Variants in TAFA2 observed in about 807,000 individuals in gnomAD.
TAFA2 encodes TAFA chemokine like family member 2.
In TAFA2, 7 loss-of-function variants were observed where a neutral mutation model predicts 18.8. The ratio of observed to expected loss-of-function variants is 0.37; its 90% confidence interval spans 0.21 to 0.70. TAFA2 has a LOEUF of 0.70. Among genes scored for constraint, TAFA2 ranks in the 30% least tolerant of loss-of-function variants. TAFA2 has a pLI of 0.53. For missense variants in TAFA2, 122 were observed against 158.1 expected (o/e 0.77, Z 1.23); for synonymous variants, 60 against 54.2 (o/e 1.11, Z -0.47).
At chr12:61,785,319 TTGTGTG>T (rs57166010) in intron 2 of TAFA2, among the ~76,000 whole-genome samples, 36,843 of 140,116 alleles carry the variant, frequency 0.26, 4,899 homozygotes, top group Middle Eastern at 0.33. Flanking sequence ...AATAGTATTC[TTGTGTG>T]TGTGTGTGTG....
At position 61,872,009 on chromosome 12, in the gene TAFA2, A is replaced by G. The variant is rs141447127; in HGVS notation, c.-1-4583T>C. On this transcript the variant is annotated intron_variant, in intron 1 of 4. Transcript: ENST00000416284. ...CGGGAGGCTGAGGCAGGAGAATGGCACGAACCCGGGAGGTAGAGCTTGCAG... is the reference window on the plus strand; with the variant it reads ...CGGGAGGCTGAGGCAGGAGAATGGCGCGAACCCGGGAGGTAGAGCTTGCAG... Among the ~76,000 whole-genome samples the G allele has an allele frequency of 9.6e-3, 1,462 of 152,220 alleles. 12 individuals are homozygous for G. Among genetic ancestry groups the G allele is most frequent in the Non-Finnish European group, 0.014 (957 of 68,010 alleles).
Position 61,710,204 on chromosome 12 carries a change from A to G in TAFA2, c.*202T>C, listed in dbSNP as rs74095409. The G allele has an allele frequency of 0.011, 5,775 of 549,246 alleles. 265 individuals carry two copies. The highest frequency in any genetic ancestry group is 0.099 in the African/African-American group (5,201 of 52,300). 34.0% of individuals were successfully genotyped at this position (549,246 alleles called of 1,614,324 possible). ...GTTGAACACAGTTCAAATCTGCTGA[A>G]ATCTTCATGACATGCAAGTTCATGT... On this transcript the variant is annotated 3_prime_UTR_variant, in exon 5 of 5. Coordinates refer to ENST00000416284, the MANE Select transcript of TAFA2 (RefSeq NM_178539.5).
At chr12:62,259,107 A>G (rs561055432), upstream of TAFA2, 2 of 152,800 alleles carry the variant, frequency 1.3e-5, no homozygotes, top group East Asian at 3.9e-4. Context: ...GCATAACTAC[A>G]CCTACCTTTA....
intron 2 of TAFA2, among the ~76,000 whole-genome samples, chr12:61,768,841 G>A (rs1869902729): frequency 6.6e-6 from 1 of 151,974 alleles, no homozygotes; most frequent in Non-Finnish European, 1.5e-5. Context: ...CTGGGGGAGG[G>A]GACAAATGGG....
chr12:62,065,101 C>A (rs968525105), intron 1 of TAFA2, among the ~76,000 whole-genome samples: 21 of 152,010 alleles, frequency 1.4e-4, no homozygotes, highest in African/African-American at 5.1e-4. Context: ...AATCACACAG[C>A]CTTGTTTTTC....
chr12:61,971,664 A>T (rs1445268254), intron 1 of TAFA2, among the ~76,000 whole-genome samples: 2 of 151,748 alleles, frequency 1.3e-5, no homozygotes, highest in African/African-American at 4.8e-5. Context: ...CATAAGTGGG[A>T]GTTGAACAAT....
Position 61,852,006 on chromosome 12 carries a change from G to A in TAFA2, c.106+15314C>T, listed in dbSNP as rs553189784. The stretch of plus-strand genomic sequence containing the variant: ...GCAGAGCACCTGAGGTCAGGAGTTC[G>A]AGACCAGCCTGACCAACATGGAGAA... On this transcript the variant is annotated intron_variant, in intron 2 of 4. Coordinates refer to ENST00000416284, the MANE Select transcript of TAFA2 (RefSeq NM_178539.5). Among the ~76,000 whole-genome samples the A allele has an allele frequency of 5.3e-5, 8 of 151,576 alleles. No homozygotes were observed. The South Asian group carries it at 1.5e-3, about 28-fold the overall frequency.
chr12:61,872,366 G>A (rs187760157), intron 1 of TAFA2, among the ~76,000 whole-genome samples: 51 of 152,092 alleles, frequency 3.4e-4, no homozygotes, highest in African/African-American at 1.2e-3. Context: ...GACAAACTTG[G>A]TGTTAACTAG....
chr12:62,111,977 G>A (rs1869753894), intron 1 of TAFA2, among the ~76,000 whole-genome samples: 2 of 152,094 alleles, frequency 1.3e-5, no homozygotes, highest in Non-Finnish European at 2.9e-5. Context: ...AGGGCATTTG[G>A]CTCATTTACA....
At chr12:62,232,131 T>C (rs1264025319) in intron 1 of TAFA2, among the ~76,000 whole-genome samples, 1 of 152,216 alleles carries the variant, frequency 6.6e-6, no homozygotes, top group Non-Finnish European at 1.5e-5. Flanking sequence ...GGAAAATTAA[T>C]GAAGTTCATC....
intron 1 of TAFA2, among the ~76,000 whole-genome samples, chr12:62,077,207 C>T (rs1348483135): frequency 6.6e-6 from 1 of 152,118 alleles, no homozygotes; most frequent in African/African-American, 2.4e-5. Context: ...AGTGTAGAGA[C>T]ACTTCTTTCA....
chr12:62,247,904 TAGAA>T (rs1470558056), intron 1 of TAFA2, among the ~76,000 whole-genome samples: 2 of 150,140 alleles, frequency 1.3e-5, no homozygotes, highest in African/African-American at 2.4e-5. Context: ...AATGAAAAAT[TAGAA>T]AGACTGTTTC....
intron 1 of TAFA2, among the ~76,000 whole-genome samples, chr12:62,162,198 G>C (rs1245093623): frequency 6.6e-6 from 1 of 152,188 alleles, no homozygotes; most frequent in African/African-American, 2.4e-5. Context: ...CAGTTTCTGT[G>C]GGAAGATAGG....
At chr12:62,234,006 C>T (rs1489566530) in intron 1 of TAFA2, among the ~76,000 whole-genome samples, 2 of 152,192 alleles carry the variant, frequency 1.3e-5, no homozygotes, top group Non-Finnish European at 2.9e-5. Flanking sequence ...GCACTGGGCA[C>T]ATTCAGAAAT....
intron 3 of TAFA2, 112 bp from the exon 4 acceptor site, chr12:61,753,858 G>T: frequency 2.7e-6 from 2 of 732,010 alleles, no homozygotes; most frequent in Non-Finnish European, 2.1e-6. Context: ...TGGGAATACA[G>T]GTATTTGAGG....
chr12:61,837,942 T>C (rs933275801), intron 2 of TAFA2, among the ~76,000 whole-genome samples: 2 of 152,018 alleles, frequency 1.3e-5, no homozygotes, highest in African/African-American at 4.8e-5. Context: ...GAGTTGGCAG[T>C]GTGGCTCACA....
At chr12:61,731,176 G>A (rs753918171) in intron 4 of TAFA2, among the ~76,000 whole-genome samples, 1 of 152,074 alleles carries the variant, frequency 6.6e-6, no homozygotes, top group Non-Finnish European at 1.5e-5. Flanking sequence ...TCTAGGTGAG[G>A]TTAAATCCTT....
chr12:62,099,449 G>A (rs542315831), intron 1 of TAFA2, among the ~76,000 whole-genome samples: 1 of 152,186 alleles, frequency 6.6e-6, no homozygotes, highest in East Asian at 1.9e-4. Context: ...AAAACAAATA[G>A]TTTTGAGAAT....
chr12:61,773,210 T>C (rs1418568604), intron 2 of TAFA2, among the ~76,000 whole-genome samples: 3 of 151,820 alleles, frequency 2.0e-5, no homozygotes, highest in Admixed American at 1.3e-4. Context: ...TCATAGATGA[T>C]GTAAACAAAT....
Sources: allele counts gnomAD v4.1 joint callset (sites outside exome capture counted in the v4.1 genomes callset), GRCh38; gene constraint gnomAD v4.1.1; transcripts MANE v1.5; gene names NCBI Gene and HGNC (gene_info 2026-07-23, HGNC 2026-07-21).